FAM167A: variants seen among roughly 807,000 people sequenced by gnomAD.
FAM167A encodes protein FAM167A.
Under a neutral mutation model 14.9 loss-of-function variants are expected in FAM167A, and 23 were observed. The ratio of observed to expected loss-of-function variants is 1.55; its 90% confidence interval spans 1.11 to 2.19. The LOEUF (loss-of-function observed/expected upper bound fraction) is 2.19. FAM167A is among the 30% of genes most tolerant of loss of function. FAM167A has a pLI of 0.00. For synonymous variants in FAM167A, 174 were observed against 117.7 expected, an observed-to-expected ratio of 1.48 and a Z score of -3.10; for missense variants, 401 against 281.5, an observed-to-expected ratio of 1.42 and a Z score of -3.04.
intron 1 of FAM167A, among the ~76,000 whole-genome samples, chr8:11,456,182 G>A (rs1217638954): frequency 1.4e-5 from 2 of 144,432 alleles, no homozygotes; most frequent in South Asian, 2.3e-4. Context: ...CTGTGTGTGT[G>A]TGTGAATGTG....
At chr8:11,443,082 CT>C (rs1806533395) in intron 2 of FAM167A, among the ~76,000 whole-genome samples, 1 of 152,258 alleles carries the variant, frequency 6.6e-6, no homozygotes, top group Non-Finnish European at 1.5e-5. Flanking sequence ...GCTGGCTCAC[CT>C]GTGGCCAGAG....
chr8:11,446,016 CAAAAAA>C (rs36111790), intron 1 of FAM167A, among the ~76,000 whole-genome samples: 160 of 84,262 alleles, frequency 1.9e-3, no homozygotes, highest in Non-Finnish European at 2.5e-3. Flanking sequence ...ACATCCCGGC[CAAAAAA>C]AAAAAAAAAA....
chr8:11,458,796 CAGAAAGAGAG>C (rs965096434), intron 1 of FAM167A, among the ~76,000 whole-genome samples: 9 of 150,242 alleles, frequency 6.0e-5, no homozygotes, highest in East Asian at 3.9e-4. Flanking sequence ...AAAAAAAAAA[CAGAAAGAGAG>C]AGAAAGAGAG....
chr8:11,438,230 A>G (rs1318757967), intron 2 of FAM167A: 2 of 432,222 alleles, frequency 4.6e-6, no homozygotes, highest in East Asian at 1.4e-4. Context: ...TGCTGTGGGG[A>G]TCCTCCAACT....
At chr8:11,456,423 GGT>G (rs1807310737) in intron 1 of FAM167A, among the ~76,000 whole-genome samples, 8 of 32,438 alleles carry the variant, frequency 2.5e-4, no homozygotes, top group East Asian at 8.5e-4. Flanking sequence ...TGCCTTGCTG[GGT>G]GTATGAGTGT....
chr8:11,434,830 A>T, intron 2 of FAM167A: 1 of 348,476 alleles, frequency 2.9e-6, no homozygotes. Context: ...CTCCCATCAG[A>T]TTGCATCTTG....
At position 11,422,373 on chromosome 8, in the gene FAM167A, G is replaced by GTGTGTGTGTGT. The variant is rs1554521058; in HGVS notation, c.*1999_*2000insACACACACACA. 135 of 120,336 alleles carry GTGTGTGTGTGT rather than the reference G, an allele frequency of 1.1e-3. 4 individuals carry two copies. Among genetic ancestry groups the GTGTGTGTGTGT allele is most frequent in the Non-Finnish European group, 1.5e-3 (85 of 55,326 alleles). The allele number at this position is 120,336 out of a possible 1,614,324, so 7.5% of individuals were successfully genotyped here. A position where few individuals can be genotyped will look rare whatever the true frequency, so the allele number is the denominator to read the frequency against. On this transcript the variant is annotated 3_prime_UTR_variant, in exon 3 of 3. Transcript: ENST00000284486. ...TCTCTGTCGTGTGTGTGTGTGTGGG[G>GTGTGTGTGTGT]GTGTGTGTGTGTGTGTGTGTGTGTG...
intron 2 of FAM167A, among the ~76,000 whole-genome samples, chr8:11,431,198 T>C (rs1585234679): frequency 1.3e-5 from 2 of 152,260 alleles, no homozygotes; most frequent in Admixed American, 1.3e-4. Context: ...TAAAGTGGAA[T>C]ATTATTCAGC....
At position 11,424,497 on chromosome 8, in the gene FAM167A, CG is replaced by C; in HGVS notation, c.520del (p.Arg174GlyfsTer28). 1 of 1,614,096 alleles carries C rather than the reference CG, an allele frequency of 6.2e-7. No homozygotes were observed. Among genetic ancestry groups the C allele is most frequent in the Non-Finnish European group, 8.5e-7 (1 of 1,179,966 alleles). On this transcript the variant is annotated frameshift_variant, in exon 3 of 3. Coordinates refer to ENST00000284486, the MANE Select transcript of FAM167A (RefSeq NM_053279.3). LOFTEE classifies it high-confidence loss of function. ...ACAGAAGAGGTCGGCCAGCTCATCC[CG>C]CTCCTCCAGCTCGTAGGTGGCATCG... ...LNDATYELEE[R>X]DELADLFCDS...
intron 1 of FAM167A, chr8:11,446,268 G>A (rs181486768): frequency 2.6e-5 from 4 of 152,330 alleles, no homozygotes; most frequent in Admixed American, 2.0e-4. Context: ...GCCTGTGGTG[G>A]GGATGTGAAT....
At chr8:11,437,992 T>G (rs761947466) in intron 2 of FAM167A, 1 of 338,570 alleles carries the variant, frequency 3.0e-6, no homozygotes, top group South Asian at 2.3e-5. Context: ...ATTATAACTT[T>G]TGTCACACCA....
At chr8:11,450,435 T>C (rs2117110739) in intron 1 of FAM167A, among the ~76,000 whole-genome samples, 1 of 152,374 alleles carries the variant, frequency 6.6e-6, no homozygotes, top group South Asian at 2.1e-4. Context: ...ATGAAGAGAC[T>C]GAGGCATAGA....
chr8:11,439,440 C>T (rs1408933417), intron 2 of FAM167A, among the ~76,000 whole-genome samples: 1 of 152,244 alleles, frequency 6.6e-6, no homozygotes, highest in East Asian at 1.9e-4. Flanking sequence ...GCACAGGCAA[C>T]AGAGGGTTAA....
In FAM167A at chr8:11,422,962, T is replaced by C. The variant is rs1444319451; in HGVS notation, c.*1411A>G. 1 of 152,652 alleles carries C rather than the reference T, an allele frequency of 6.6e-6. No individual in the cohort carries two copies. Among genetic ancestry groups the C allele is most frequent in the Non-Finnish European group, 1.5e-5 (1 of 68,050 alleles). The allele number at this position is 152,652 out of a possible 1,614,324, so 9.5% of individuals were successfully genotyped here. Reference sequence around the variant, plus strand: ...GTAGAGGGGTTGGCAGTGTGCGGGTTTGGCAAAGCATCACGACCATCTTTG... The same window carrying C: ...GTAGAGGGGTTGGCAGTGTGCGGGTCTGGCAAAGCATCACGACCATCTTTG... On this transcript the variant is annotated 3_prime_UTR_variant, in exon 3 of 3. Transcript: ENST00000284486.
intron 1 of FAM167A, among the ~76,000 whole-genome samples, chr8:11,472,991 G>C (rs139844922): frequency 0.015 from 2,246 of 152,322 alleles, 40 homozygotes; most frequent in Non-Finnish European, 0.025. Context: ...GCTGGGATGA[G>C]AGCCAGCCCA....
chr8:11,454,382 G>C (rs1484005689), intron 1 of FAM167A, among the ~76,000 whole-genome samples: 1 of 152,224 alleles, frequency 6.6e-6, no homozygotes, highest in Non-Finnish European at 1.5e-5. Context: ...CTGGTGCAGG[G>C]GTGGCAGGAA....
chr8:11,439,030 G>A (rs780543473), intron 2 of FAM167A, among the ~76,000 whole-genome samples: 2 of 152,218 alleles, frequency 1.3e-5, no homozygotes, highest in Non-Finnish European at 2.9e-5. Context: ...TGGCAGCTCA[G>A]GGCCCCTTGA....
At chr8:11,449,331 G>A (rs1806926287) in intron 1 of FAM167A, among the ~76,000 whole-genome samples, 1 of 152,234 alleles carries the variant, frequency 6.6e-6, no homozygotes, top group Non-Finnish European at 1.5e-5. Flanking sequence ...GCACTGAGCT[G>A]GACCCGGCCT....
chr8:11,438,196 T>G (rs1231084077), intron 2 of FAM167A: 6 of 451,794 alleles, frequency 1.3e-5, no homozygotes, highest in Admixed American at 4.8e-5. Flanking sequence ...GGAATCGCCA[T>G]GAGCTGCTAT....
Sources: gnomAD v4.1 joint callset for allele counts (sites outside exome capture counted in the v4.1 genomes callset) on GRCh38, gnomAD v4.1.1 for gene constraint, MANE v1.5 for transcripts, NCBI Gene and HGNC (gene_info 2026-07-23, HGNC 2026-07-21) for gene names.